SOX5: variants seen among roughly 807,000 people sequenced by gnomAD.
The protein encoded by SOX5 is transcription factor SOX-5.
In SOX5, 9 loss-of-function variants were observed where a neutral mutation model predicts 92.0. That is an observed-to-expected ratio of 0.10 (90% CI 0.06 to 0.17). The LOEUF (loss-of-function observed/expected upper bound fraction) is 0.17. SOX5 is among the 10% of genes least tolerant of loss of function. SOX5 has a pLI of 1.00. For synonymous variants in SOX5, 344 were observed against 336.3 expected (o/e 1.02, Z -0.25); for missense variants, 642 against 944.5 (o/e 0.68, Z 4.20).
intron 1 of SOX5, among the ~76,000 whole-genome samples, chr12:24,444,150 G>A (rs1337179474): frequency 6.6e-6 from 1 of 152,184 alleles, no homozygotes; most frequent in African/African-American, 2.4e-5. Flanking sequence ...CAAAGGGAGG[G>A]ACGGGGATCT....
intron 3 of SOX5, among the ~76,000 whole-genome samples, chr12:23,796,424 A>C (rs1360673467): frequency 6.6e-6 from 1 of 152,110 alleles, no homozygotes; most frequent in East Asian, 1.9e-4. Flanking sequence ...TCATAAGTTA[A>C]CAGCAGTCAA....
chr12:23,970,841 A>ATATATATATATATT lies in SOX5; in HGVS notation c.-1-74818_-1-74817insAATATATATATATA. Reference sequence around the variant, plus strand: ...ACATGGGACTTTATATATATATATAATTTTTTTTTTTTTTTAAGAAATGGG... The same window carrying ATATATATATATATT: ...ACATGGGACTTTATATATATATATAATATATATATATATTTTTTTTTTTTTTTTTAAGAAATGGG... On this transcript the variant is annotated intron_variant, in intron 4 of 4. Transcript: ENST00000446891. Among the ~76,000 whole-genome samples, 16 of 21,880 alleles carry ATATATATATATATT rather than the reference A, an allele frequency of 7.3e-4. 1 individual carries two copies. Among genetic ancestry groups the ATATATATATATATT allele is most frequent in the African/African-American group, 1.6e-3 (13 of 8,038 alleles). The allele number at this position is 21,880 out of a possible 152,430, so 14.4% of individuals were successfully genotyped here. A position where few individuals can be genotyped will look rare whatever the true frequency, so the allele number is the denominator to read the frequency against.
intron 1 of SOX5, among the ~76,000 whole-genome samples, chr12:24,514,820 C>T (rs1387810946): frequency 1.3e-5 from 2 of 152,088 alleles, no homozygotes; most frequent in Admixed American, 1.3e-4. Flanking sequence ...TCAAATATCG[C>T]GTGTTCTCAC....
chr12:23,767,839 AT>A (rs1594217865), intron 3 of SOX5, among the ~76,000 whole-genome samples: 3 of 147,202 alleles, frequency 2.0e-5, no homozygotes, highest in African/African-American at 7.5e-5. Context: ...ATATATATAT[AT>A]ATAATAAATG....
chr12:24,329,978 G>A (rs567027552), intron 2 of SOX5, among the ~76,000 whole-genome samples: 15 of 152,266 alleles, frequency 9.9e-5, no homozygotes, highest in East Asian at 7.7e-4. Flanking sequence ...AGCTGAGATC[G>A]TGCCATTGCC....
chr12:23,676,329 T>A (rs2085685401), intron 6 of SOX5, among the ~76,000 whole-genome samples: 1 of 152,190 alleles, frequency 6.6e-6, no homozygotes, highest in African/African-American at 2.4e-5. Flanking sequence ...TTGTATACCC[T>A]AAATATACAC....
At chr12:23,753,157 C>T (rs1477793508) in intron 4 of SOX5, among the ~76,000 whole-genome samples, 3 of 151,680 alleles carry the variant, frequency 2.0e-5, no homozygotes. Flanking sequence ...TTTAAAAAGT[C>T]TATCATTTTT....
intron 3 of SOX5, among the ~76,000 whole-genome samples, chr12:23,826,888 T>G (rs1418861798): frequency 6.6e-6 from 1 of 152,202 alleles, no homozygotes; most frequent in Non-Finnish European, 1.5e-5. Flanking sequence ...CAACAGAGAT[T>G]TAATTCCGTG....
At chr12:23,895,662 G>C in intron 2 of SOX5, 131 bp downstream of exon 2, 1 of 668,858 alleles carries the variant, frequency 1.5e-6, no homozygotes. Context: ...ATTCTAAGAC[G>C]CCAGGGGTGA....
chr12:23,627,619 T>C (rs1232634749), intron 8 of SOX5, among the ~76,000 whole-genome samples: 1 of 152,094 alleles, frequency 6.6e-6, no homozygotes, highest in Admixed American at 6.6e-5. Context: ...ACAACACCTT[T>C]ATCATGTAGG....
rs374343267 is a variant in SOX5 at position 23,540,133 on chromosome 12, T to C, written c.1771+3078A>G. Among the ~76,000 whole-genome samples the C allele has an allele frequency of 9.2e-5, 14 of 151,354 alleles. No homozygotes were observed. In the East Asian group the frequency reaches 2.1e-3, roughly 23 times the overall value. On this transcript the variant is annotated intron_variant, in intron 13 of 14. Coordinates refer to ENST00000451604, the MANE Select transcript of SOX5 (RefSeq NM_006940.6). ...AGAGAGAAAAAATATCTACTTGATTTGGGGGTGGCTGGCTGCTTACTCTGG... is the reference window on the plus strand; with the variant it reads ...AGAGAGAAAAAATATCTACTTGATTCGGGGGTGGCTGGCTGCTTACTCTGG...
intron 4 of SOX5, among the ~76,000 whole-genome samples, chr12:24,141,170 A>G (rs963511238): frequency 6.6e-6 from 1 of 152,166 alleles, no homozygotes; most frequent in Non-Finnish European, 1.5e-5. Flanking sequence ...GCTAAAAAAC[A>G]AGGTATATAT....
intron 2 of SOX5, among the ~76,000 whole-genome samples, chr12:24,297,848 C>A (rs757518829): frequency 6.6e-6 from 1 of 152,162 alleles, no homozygotes; most frequent in Non-Finnish European, 1.5e-5. Context: ...ATCCTGAGAG[C>A]CAGCATCCAA....
At position 24,043,436 on chromosome 12, in the gene SOX5, A is replaced by G. The variant is rs566170044; in HGVS notation, c.-1-147412T>C. 9.2e-5 allele frequency among the ~76,000 whole-genome samples: 14 copies of G among 152,366 alleles called. No individual in the cohort carries two copies. In the East Asian group the frequency reaches 2.5e-3, roughly 27 times the overall value. On this transcript the variant is annotated intron_variant, in intron 4 of 4. Coordinates refer to the SOX5 transcript ENST00000446891. ...GATATAAAAACACATTGCCCACCATACAATAAATATATATGCTAATGTTTT... is the reference window on the plus strand; with the variant it reads ...GATATAAAAACACATTGCCCACCATGCAATAAATATATATGCTAATGTTTT...
intron 2 of SOX5, among the ~76,000 whole-genome samples, chr12:23,851,731 G>T (rs192588403): frequency 2.0e-5 from 3 of 151,882 alleles, no homozygotes; most frequent in African/African-American, 7.3e-5. Context: ...CCGAGAGAGA[G>T]AGCTTATCAC....
chr12:24,307,903 G>T (rs941733717), intron 2 of SOX5, among the ~76,000 whole-genome samples: 3 of 152,018 alleles, frequency 2.0e-5, no homozygotes, highest in African/African-American at 7.2e-5. Context: ...GCAGGAGAGG[G>T]CTCCCCCAAC....
chr12:24,001,064 T>A (rs1051074514), intron 4 of SOX5, among the ~76,000 whole-genome samples: 4 of 152,160 alleles, frequency 2.6e-5, no homozygotes, highest in African/African-American at 9.7e-5. Flanking sequence ...GGCACAAGAT[T>A]TGAAATCATA....
intron 1 of SOX5, among the ~76,000 whole-genome samples, chr12:23,934,253 CT>C (rs1341769759): frequency 6.6e-6 from 1 of 151,258 alleles, no homozygotes; most frequent in East Asian, 1.9e-4. Context: ...TAAACATAAA[CT>C]TCATTATGAG....
chr12:23,880,470 C>T (rs945619556), intron 2 of SOX5, among the ~76,000 whole-genome samples: 1 of 151,996 alleles, frequency 6.6e-6, no homozygotes, highest in South Asian at 2.1e-4. Context: ...AAATTCTTAC[C>T]ATATTTCCTA....
Sources: gnomAD v4.1 joint callset for allele counts (sites outside exome capture counted in the v4.1 genomes callset) on GRCh38, gnomAD v4.1.1 for gene constraint, MANE v1.5 for transcripts, NCBI Gene and HGNC (gene_info 2026-07-23, HGNC 2026-07-21) for gene names.